Variants in DYNC1H1 observed in about 807,000 individuals in gnomAD.
DYNC1H1 encodes the protein dynein cytoplasmic 1 heavy chain 1, also known as cytoplasmic dynein 1 heavy chain 1.
DYNC1H1 carries 51 observed loss-of-function variants against 527.1 expected under a neutral mutation model. The ratio of observed to expected loss-of-function variants is 0.10; its 90% CI spans 0.08 to 0.12. The LOEUF is 0.12. DYNC1H1 is among the 10% of genes least tolerant of loss of function. The probability of loss-of-function intolerance (pLI) is 1.00; values close to 1 mark genes in which losing one functional copy is unlikely to be tolerated. For missense variants in DYNC1H1, 2,771 were observed against 5,971.8 expected (o/e 0.46, Z 17.66); for synonymous variants, 2,189 against 2,278.8 (o/e 0.96, Z 1.12).
In DYNC1H1 at chr14:101,997,273, C is replaced by T. The variant is rs751865408; in HGVS notation, c.3803C>T (p.Thr1268Met). ...GACTGGGAGAAGACCAAGCCTGTCACGGTGAGTCCCGCCAGGTGGGGACGC... is the reference window on the plus strand; with the variant it reads ...GACTGGGAGAAGACCAAGCCTGTCATGGTGAGTCCCGCCAGGTGGGGACGC... ...LTDWEKTKPV[T>M]GNLRPEEALQ... The change falls in exon 16 of 78, where the codon ACG becomes ATG. Residue 1268 changes from threonine (T) to methionine (M), a missense_variant and splice_region_variant. Coordinates refer to ENST00000360184, the MANE Select transcript of DYNC1H1 (RefSeq NM_001376.5). The surrounding 1 kb of genome is among the most constrained non-coding windows in gnomAD (Gnocchi z 4.8). The T allele has an allele frequency of 1.9e-6, 3 of 1,614,124 alleles. No homozygotes were observed. Among genetic ancestry groups the T allele is most frequent in the African/African-American group, 2.7e-5 (2 of 75,040 alleles).
At chr14:102,003,682 C>G (rs2141287632) in intron 23 of DYNC1H1, among the ~76,000 whole-genome samples, 1 of 152,230 alleles carries the variant, frequency 6.6e-6, no homozygotes, top group East Asian at 1.9e-4. Context: ...GTAATCCCAG[C>G]ACTTTGGGAG....
intron 42 of DYNC1H1, among the ~76,000 whole-genome samples, chr14:102,021,747 T>A (rs1259648004): frequency 6.6e-6 from 1 of 150,442 alleles, no homozygotes; most frequent in East Asian, 2.0e-4. Flanking sequence ...GCAATCTCCG[T>A]CTCCTGGGTT....
rs1180755716 is a variant in DYNC1H1, at chr14:102,051,485, G to A, written c.*922G>A. On this transcript the variant is annotated 3_prime_UTR_variant, in exon 78 of 78. Coordinates refer to ENST00000360184, the MANE Select transcript of DYNC1H1 (RefSeq NM_001376.5). Reference sequence around the variant, plus strand: ...GCTTGTGTTCTTGACCAGGGCCCCAGGACTTGGCTCCTCCAGACAAGGGAG... The same window carrying A: ...GCTTGTGTTCTTGACCAGGGCCCCAAGACTTGGCTCCTCCAGACAAGGGAG... 6.6e-6 allele frequency: 1 copy of A among 151,680 alleles called. No individual in the cohort carries two copies. The highest frequency in any genetic ancestry group is 2.4e-5 in the African/African-American group (1 of 41,264). 9.4% of individuals were successfully genotyped at this position (151,680 alleles called of 1,614,324 possible).
Position 101,986,501 on chromosome 14 carries a change from G to A in DYNC1H1, c.2276G>A (p.Arg759His), listed in dbSNP as rs1369675175. 2 of 1,614,124 alleles carry A rather than the reference G, an allele frequency of 1.2e-6. No individual in the cohort carries two copies. The highest frequency in any genetic ancestry group is 1.7e-5 in the Admixed American group (1 of 60,020). ...EVRNLKWLGF[R>H]VPLAIVNKAH... ...CGGAACCTCAAATGGCTTGGTTTCC[G>A]CGTCCCACTGGCGATTGTGAACAAA... The change falls in exon 8 of 78, where the codon CGC (arginine) becomes CAC (histidine). Residue 759 changes from arginine (R) to histidine (H), a missense_variant. Physicochemically the swap from Arg to His is conservative, Grantham distance 29. Transcript: ENST00000360184. The surrounding 1 kb of genome is among the most constrained non-coding windows in gnomAD (Gnocchi z 8.7).
Position 102,033,939 on chromosome 14 carries a change from C to T in DYNC1H1, c.10414-37C>T, listed in dbSNP as rs1306988887. The T allele has an allele frequency of 3.1e-6, 5 of 1,604,712 alleles. No individual in the cohort carries two copies. Among genetic ancestry groups the T allele is most frequent in the Non-Finnish European group, 4.3e-6 (5 of 1,172,814 alleles). On this transcript the variant is annotated intron_variant, in intron 54 of 77. Transcript: ENST00000360184. The surrounding 1 kb of genome is among the most constrained non-coding windows in gnomAD (Gnocchi z 5.6). ...AGGATTCGGTATAAATCCTGAAAGG[C>T]CTCATCCCTGAGCATCTTGTTCGGT...
At chr14:102,043,722 A>G in intron 69 of DYNC1H1, 153 bp from the exon 70 acceptor site, 1 of 995,312 alleles carries the variant, frequency 1.0e-6, no homozygotes, top group South Asian at 1.4e-5. Context: ...AAGTTGGCAT[A>G]CTTTTCTCCT....
chr14:102,004,280 A>T (rs2048171181), intron 23 of DYNC1H1, among the ~76,000 whole-genome samples: 1 of 152,230 alleles, frequency 6.6e-6, no homozygotes, highest in Non-Finnish European at 1.5e-5. Flanking sequence ...AAAGTAACTT[A>T]CTAAGGCAAA....
At chr14:101,989,276 A>T (rs2047969367) in intron 10 of DYNC1H1, among the ~76,000 whole-genome samples, 1 of 152,262 alleles carries the variant, frequency 6.6e-6, no homozygotes, top group Non-Finnish European at 1.5e-5. Context: ...CAAGAACTGC[A>T]TGTAATCCAC....
intron 73 of DYNC1H1, 104 bp downstream of exon 73, chr14:102,048,132 A>C: frequency 7.1e-7 from 1 of 1,411,072 alleles, no homozygotes; most frequent in South Asian, 1.2e-5. Flanking sequence ...TGCCGGACGG[A>C]ACGTACTCAC....
At chr14:102,007,882 G>A (rs751155802) in intron 28 of DYNC1H1, among the ~76,000 whole-genome samples, 5 of 152,188 alleles carry the variant, frequency 3.3e-5, no homozygotes, top group Non-Finnish European at 4.4e-5. Context: ...TCCCAGTGAG[G>A]GCCCTCTTCC....
intron 12 of DYNC1H1, 114 bp from the exon 13 acceptor site, chr14:101,994,559 C>A (rs915411961): frequency 1.4e-6 from 2 of 1,433,984 alleles, no homozygotes; most frequent in Admixed American, 3.8e-5. Context: ...GTGAGAATTT[C>A]TCTAATAGTG....
In DYNC1H1 at chr14:102,040,336, C is replaced by A. The variant is rs1361726688; in HGVS notation, c.11791C>A (p.Gln3931Lys). The A allele has an allele frequency of 6.2e-7, 1 of 1,614,034 alleles. No individual in the cohort carries two copies. The highest frequency in any genetic ancestry group is 8.5e-7 in the Non-Finnish European group (1 of 1,180,048). The change falls in exon 63 of 78, where the codon CAG becomes AAG. Residue 3931 changes from glutamine (Q) to lysine (K), a missense_variant. Coordinates refer to ENST00000360184, the MANE Select transcript of DYNC1H1 (RefSeq NM_001376.5). ...TPRIQGLTVE[Q>K]AEAVVRLSCL... Reference sequence around the variant, plus strand: ...CAGGATCCAGGGCCTGACTGTGGAGCAGGCGGAGGCGGTGGTGAGGCTGAG... The same window carrying A: ...CAGGATCCAGGGCCTGACTGTGGAGAAGGCGGAGGCGGTGGTGAGGCTGAG...
At chr14:102,006,787 A>T (rs954730265) in intron 27 of DYNC1H1, among the ~76,000 whole-genome samples, 4 of 151,332 alleles carry the variant, frequency 2.6e-5, no homozygotes, top group Non-Finnish European at 5.9e-5. Flanking sequence ...TTTAGTAGAG[A>T]TGGAGTTTCA....
In DYNC1H1 at chr14:102,008,288, G is replaced by A. The variant is rs752445862; in HGVS notation, c.5928G>A (p.Gln1976=). The A allele has an allele frequency of 2.5e-6, 4 of 1,614,244 alleles. No homozygotes were observed. Among genetic ancestry groups the A allele is most frequent in the Non-Finnish European group, 3.4e-6 (4 of 1,180,048 alleles). The change falls in exon 29 of 78, where the codon CAG becomes CAA. Residue 1976 remains glutamine, a synonymous_variant. Transcript: ENST00000360184. ...TCTCGGCTGTGTCCCAGCAGGTGCA[G>A]TGCATACAGGAAGCACTGCGTGAAC... ...RMLSAVSQQV[Q]CIQEALREHS...
chr14:101,966,175 T>A (rs1443086158), intron 1 of DYNC1H1, among the ~76,000 whole-genome samples: 1 of 152,234 alleles, frequency 6.6e-6, no homozygotes, highest in Non-Finnish European at 1.5e-5. Context: ...TAACACACAC[T>A]GTGTTTCTGA....
rs1351401023 is a variant in DYNC1H1 at position 102,004,669 on chromosome 14, C to T, written c.5035C>T (p.Arg1679Trp). 2.5e-6 allele frequency: 4 copies of T among 1,614,108 alleles called. No homozygotes were observed. The highest frequency in any genetic ancestry group is 3.4e-6 in the Non-Finnish European group (4 of 1,180,024). The change falls in exon 24 of 78, where the codon CGG (arginine) becomes TGG (tryptophan). Residue 1679 changes from arginine (R) to tryptophan (W), a missense_variant. Transcript: ENST00000360184. ...CTCTGTTGTTTTGGGTATTTCATCT[C>T]GGGAAGGAGAGGAGGTAAATTTATG... is the stretch of plus-strand genomic sequence containing the variant. The part of the protein sequence containing the change: ...DNSVVLGISS[R>W]EGEEVMFKTP...
intron 5 of DYNC1H1, among the ~76,000 whole-genome samples, chr14:101,981,926 C>G (rs2047870011): frequency 6.6e-6 from 1 of 152,102 alleles, no homozygotes; most frequent in African/African-American, 2.4e-5. Context: ...AATTTTAGTT[C>G]TTCTAAACTT....
At position 102,028,029 on chromosome 14, in the gene DYNC1H1, A is replaced by G. The variant is rs2048469714; in HGVS notation, c.9356A>G (p.Asn3119Ser). 6.2e-7 allele frequency: 1 copy of G among 1,614,190 alleles called. No homozygotes were observed. The highest frequency in any genetic ancestry group is 8.5e-7 in the Non-Finnish European group (1 of 1,180,026). The change falls in exon 48 of 78, where the codon AAT (asparagine) becomes AGT (serine). Residue 3119 changes from asparagine (N) to serine (S), a missense_variant. This residue lies in a region of DYNC1H1 where 67 missense variants were observed against 128.2 expected (regional missense o/e 0.52). Coordinates refer to ENST00000360184, the MANE Select transcript of DYNC1H1 (RefSeq NM_001376.5). ...FTSKMDLEKP[N>S]YIVPDYMPVV... ...AGTAAGATGGATCTGGAGAAGCCAA[A>G]TTACATCGTGCCTGATTACATGCCA...
At chr14:102,037,984 T>C in intron 57 of DYNC1H1, 1 of 303,370 alleles carries the variant, frequency 3.3e-6, no homozygotes, top group Non-Finnish European at 6.4e-6. Context: ...GCACTTCCCA[T>C]GGCTAGTGTG....
Sources: allele counts gnomAD v4.1 joint callset (sites outside exome capture counted in the v4.1 genomes callset), GRCh38; gene constraint gnomAD v4.1.1; regional missense constraint gnomAD v4.1.1; non-coding constraint Gnocchi (gnomAD v3.1); transcripts MANE v1.5; gene names NCBI Gene and HGNC (gene_info 2026-07-23, HGNC 2026-07-21).